The following STPG2 variants were observed in gnomAD, a reference collection of about 807,000 sequenced individuals.
STPG2 encodes sperm tail PG-rich repeat containing 2.
Under a neutral mutation model 54.2 loss-of-function variants are expected in STPG2, and 56 were observed. The observed-to-expected ratio is 1.03, with a 90% CI of 0.83 to 1.29. The LOEUF (loss-of-function observed/expected upper bound fraction) is 1.29, where lower values mean the gene tolerates loss of function less well. Among genes scored for constraint, STPG2 ranks in the 50% most tolerant of loss-of-function variants. The probability of loss-of-function intolerance (pLI) is 0.00; values close to 1 mark genes in which losing one functional copy is unlikely to be tolerated. For synonymous variants in STPG2, 200 were observed against 181.8 expected (o/e 1.10, Z -0.81); for missense variants, 596 against 544.9 (o/e 1.09, Z -0.93).
At chr4:97,742,035 T>C (rs1246960586) in intron 9 of STPG2, among the ~76,000 whole-genome samples, 1 of 152,054 alleles carries the variant, frequency 6.6e-6, no homozygotes, top group Non-Finnish European at 1.5e-5. Context: ...AATGCAGCCA[T>C]ACAAAATGAT....
chr4:97,496,986 C>CTT (rs370800861), intron 4 of STPG2, among the ~76,000 whole-genome samples: 3 of 136,074 alleles, frequency 2.2e-5, no homozygotes, highest in Admixed American at 1.5e-4. Context: ...CCATCTTTTC[C>CTT]TTTTTTTTTT....
intron 9 of STPG2, among the ~76,000 whole-genome samples, chr4:97,790,282 A>C (rs951829756): frequency 6.6e-6 from 1 of 152,184 alleles, no homozygotes; most frequent in Non-Finnish European, 1.5e-5. Flanking sequence ...TTATCTTTGA[A>C]AAATAAAATA....
chr4:97,608,468 G>C (rs940804081), intron 10 of STPG2, among the ~76,000 whole-genome samples: 1 of 152,012 alleles, frequency 6.6e-6, no homozygotes, highest in Non-Finnish European at 1.5e-5. Flanking sequence ...TGCTGTGCAC[G>C]TGTCTTTCTT....
intron 8 of STPG2, among the ~76,000 whole-genome samples, chr4:97,875,476 A>G (rs1730142464): frequency 6.6e-6 from 1 of 151,964 alleles, no homozygotes; most frequent in South Asian, 2.1e-4. Context: ...TAGGTAGAAT[A>G]TACATATAAA....
At chr4:97,861,992 G>A (rs368527377) in intron 8 of STPG2, among the ~76,000 whole-genome samples, 1 of 151,782 alleles carries the variant, frequency 6.6e-6, no homozygotes, top group Non-Finnish European at 1.5e-5. Context: ...AGACCATCGA[G>A]GCTAGGAAGA....
intron 5 of STPG2, among the ~76,000 whole-genome samples, chr4:98,021,557 A>T (rs187958196): frequency 2.0e-4 from 30 of 152,184 alleles, no homozygotes; most frequent in Admixed American, 1.0e-3. Flanking sequence ...GCTGAGTTTA[A>T]TTCCTGGGTA....
chr4:97,694,505 G>C (rs976009905), intron 10 of STPG2, among the ~76,000 whole-genome samples: 2 of 151,872 alleles, frequency 1.3e-5, no homozygotes, highest in Admixed American at 1.3e-4. Context: ...GAGATTAAAT[G>C]GTACTTGAAA....
chr4:97,695,273 T>C (rs543423949), intron 10 of STPG2, among the ~76,000 whole-genome samples: 2 of 151,858 alleles, frequency 1.3e-5, no homozygotes, highest in Admixed American at 1.3e-4. Context: ...ATACAGAAAA[T>C]CATTTGACAA....
chr4:98,137,450 C>A (rs1740165001), intron 1 of STPG2, among the ~76,000 whole-genome samples: 1 of 151,750 alleles, frequency 6.6e-6, no homozygotes, highest in South Asian at 2.1e-4. Context: ...TTGTTTTCCT[C>A]TTCCCACTGA....
intron 10 of STPG2, among the ~76,000 whole-genome samples, chr4:97,664,562 G>C (rs1722465642): frequency 6.6e-6 from 1 of 152,190 alleles, no homozygotes; most frequent in African/African-American, 2.4e-5. Flanking sequence ...TAAAGGGTCA[G>C]ATTTTCAGCT....
chr4:97,810,725 C>A (rs144714630), intron 9 of STPG2, among the ~76,000 whole-genome samples: 1 of 151,948 alleles, frequency 6.6e-6, no homozygotes, highest in Non-Finnish European at 1.5e-5. Flanking sequence ...CTCATAATGA[C>A]AATATACTGG....
intron 5 of STPG2, among the ~76,000 whole-genome samples, chr4:97,988,505 A>C (rs1208583773): frequency 1.3e-5 from 2 of 152,226 alleles, no homozygotes; most frequent in Non-Finnish European, 2.9e-5. Flanking sequence ...GGATGGGTAC[A>C]TGAATTGAAT....
chr4:97,994,123 C>A (rs1303579313), intron 5 of STPG2, among the ~76,000 whole-genome samples: 1 of 151,862 alleles, frequency 6.6e-6, no homozygotes, highest in Non-Finnish European at 1.5e-5. Flanking sequence ...TTTGTTACTT[C>A]TTTTCTTCTA....
intron 8 of STPG2, among the ~76,000 whole-genome samples, chr4:97,914,320 T>TA (rs753789817): frequency 8.4e-4 from 127 of 152,042 alleles, no homozygotes; most frequent in Non-Finnish European, 1.2e-3. Context: ...ACCATCACTG[T>TA]AAAAAAAAGA....
At chr4:98,043,987 T>A (rs961437541) in intron 5 of STPG2, among the ~76,000 whole-genome samples, 11 of 152,180 alleles carry the variant, frequency 7.2e-5, no homozygotes, top group Admixed American at 2.6e-4. Flanking sequence ...TGAGTTCTCA[T>A]CACTTAGCTC....
At chr4:97,947,408 C>A (rs1033100359) in intron 7 of STPG2, among the ~76,000 whole-genome samples, 1 of 151,908 alleles carries the variant, frequency 6.6e-6, no homozygotes, top group Non-Finnish European at 1.5e-5. Flanking sequence ...CCTTCTGTTG[C>A]CTGATTGGTC....
At chr4:97,559,531 C>A (rs536537937) in intron 10 of STPG2, among the ~76,000 whole-genome samples, 96 of 152,248 alleles carry the variant, frequency 6.3e-4, no homozygotes, top group African/African-American at 2.3e-3. Flanking sequence ...AACCTTTCTA[C>A]AATTCTTTTT....
intron 10 of STPG2, among the ~76,000 whole-genome samples, chr4:97,687,033 C>G (rs552210330): frequency 6.6e-6 from 1 of 151,302 alleles, no homozygotes; most frequent in Non-Finnish European, 1.5e-5. Context: ...CTCCGCCTCC[C>G]GGGTTCACGC....
At chr4:97,985,639 A>G (rs939621236) in intron 5 of STPG2, among the ~76,000 whole-genome samples, 2 of 152,168 alleles carry the variant, frequency 1.3e-5, no homozygotes, top group African/African-American at 4.8e-5. Flanking sequence ...ATATTCAAAT[A>G]AACATTAACA....
Sources: gnomAD v4.1 joint callset for allele counts (sites outside exome capture counted in the v4.1 genomes callset) on GRCh38, gnomAD v4.1.1 for gene constraint, MANE v1.5 for transcripts, NCBI Gene and HGNC (gene_info 2026-07-23, HGNC 2026-07-21) for gene names.